Variants in NBAS observed in about 807,000 individuals in gnomAD.
NBAS encodes the protein NAG/BC035112 fusion.
NBAS carries 219 observed loss-of-function variants against 302.5 expected under a neutral mutation model. The ratio of observed to expected loss-of-function variants is 0.72; its 90% CI spans 0.65 to 0.81. NBAS has a LOEUF of 0.81. NBAS is among the 30% of genes least tolerant of loss of function. NBAS has a pLI of 0.00. For synonymous variants in NBAS, 1,118 were observed against 1,021.6 expected, an observed-to-expected ratio of 1.09 and a Z score of -1.80; for missense variants, 2,932 against 2,841.6, an observed-to-expected ratio of 1.03 and a Z score of -0.72.
Position 15,525,893 on chromosome 2 carries a change from A to G in NBAS, c.746+8650T>C, listed in dbSNP as rs532118468. 2.7e-4 allele frequency among the ~76,000 whole-genome samples: 41 copies of G among 152,316 alleles called. 1 individual carries two copies. Among genetic ancestry groups the G allele is most frequent in the Admixed American group, 2.6e-3 (40 of 15,304 alleles). ...AAGTGCCACTTAAAAATCTATACAT[A>G]AAGTCTTTGATCTGAACCTAACTCA... On this transcript the variant is annotated intron_variant, in intron 9 of 51. Transcript: ENST00000281513.
intron 48 of NBAS, among the ~76,000 whole-genome samples, chr2:15,200,905 C>G (rs1413352861): frequency 6.6e-6 from 1 of 152,110 alleles, no homozygotes; most frequent in East Asian, 1.9e-4. Flanking sequence ...TATGCATCTT[C>G]CTACAGGTAT....
chr2:14,887,398 T>TTAAAAAAAAAAAAAAA, the NBAS span, among the ~76,000 whole-genome samples: 2 of 95,676 alleles, frequency 2.1e-5, no homozygotes, highest in Non-Finnish European at 3.8e-5. Flanking sequence ...GTGAGACTCC[T>TTAAAAAAAAAAAAAAA]CAAAAAAAAA....
chr2:14,821,238 T>C, the NBAS span, among the ~76,000 whole-genome samples: 1 of 152,168 alleles, frequency 6.6e-6, no homozygotes, highest in Non-Finnish European at 1.5e-5. Context: ...AGAGACACTC[T>C]TAAAAACCAC....
intron 31 of NBAS, among the ~76,000 whole-genome samples, chr2:15,367,991 C>T (rs73197101): frequency 0.013 from 1,903 of 152,196 alleles, 34 homozygotes; most frequent in African/African-American, 0.043. Flanking sequence ...TATACACACA[C>T]AAATACTTAT....
intron 16 of NBAS, among the ~76,000 whole-genome samples, chr2:15,470,471 G>T (rs921138315): frequency 6.6e-6 from 1 of 152,090 alleles, no homozygotes; most frequent in African/African-American, 2.4e-5. Context: ...ATGTTTACTG[G>T]GCACCTACTG....
At chr2:15,153,844 G>C in the NBAS span, among the ~76,000 whole-genome samples, 1 of 152,306 alleles carries the variant, frequency 6.6e-6, no homozygotes, top group East Asian at 1.9e-4. Flanking sequence ...TAGGAACCTT[G>C]TAAGTAATAA....
At position 15,551,731 on chromosome 2, in the gene NBAS, G is replaced by A. The variant is rs561034952; in HGVS notation, c.336-195C>T. Among the ~76,000 whole-genome samples the A allele has an allele frequency of 3.9e-5, 6 of 152,178 alleles. No homozygotes were observed. The East Asian group carries it at 9.6e-4, about 24-fold the overall frequency. On this transcript the variant is annotated intron_variant, in intron 5 of 51. Coordinates refer to ENST00000281513, the MANE Select transcript of NBAS (RefSeq NM_015909.4). ...CTTCCAACCTTATTGCATCAGATAC[G>A]GAGCTACATCGTTATGGAGACATAT...
chr2:15,339,551 G>A (rs912263944), intron 35 of NBAS, among the ~76,000 whole-genome samples: 39 of 151,974 alleles, frequency 2.6e-4, no homozygotes, highest in Admixed American at 1.8e-3. Context: ...TGTAAATTCC[G>A]GAAATACAAA....
intron 23 of NBAS, 105 bp from the exon 24 acceptor site, chr2:15,417,817 T>C: frequency 2.7e-6 from 3 of 1,117,302 alleles, no homozygotes; most frequent in Non-Finnish European, 3.9e-6. Context: ...TCATTTTTTA[T>C]AAAATTGCAT....
At chr2:15,330,564 C>T (rs776204558) in intron 36 of NBAS, 34 bp downstream of exon 36, 2 of 1,611,798 alleles carry the variant, frequency 1.2e-6, no homozygotes, top group Admixed American at 1.7e-5. Flanking sequence ...ATAAACCATG[C>T]AGTTGATTTT....
chr2:15,427,568 A>G (rs902659304), intron 22 of NBAS, 143 bp downstream of exon 22: 12 of 687,650 alleles, frequency 1.7e-5, no homozygotes, highest in African/African-American at 1.5e-4. Flanking sequence ...ACTGAGTCAA[A>G]GGAGTTTAAA....
At chr2:15,034,246 AAG>A in the NBAS span, among the ~76,000 whole-genome samples, 6 of 91,190 alleles carry the variant, frequency 6.6e-5, no homozygotes, top group Non-Finnish European at 9.0e-5. Context: ...GAAAGAAAGA[AAG>A]AAAGAAAGAA....
intron 38 of NBAS, among the ~76,000 whole-genome samples, chr2:15,315,095 G>A (rs1195202468): frequency 6.6e-6 from 1 of 152,166 alleles, no homozygotes; most frequent in Non-Finnish European, 1.5e-5. Context: ...TTACACAGGT[G>A]CTGCACTTGT....
chr2:15,414,683 G>A (rs1676836204), intron 25 of NBAS, among the ~76,000 whole-genome samples: 1 of 152,178 alleles, frequency 6.6e-6, no homozygotes, highest in South Asian at 2.1e-4. Context: ...AGTGGCTCAC[G>A]CCTGTAATCC....
the NBAS span, among the ~76,000 whole-genome samples, chr2:15,027,124 C>T: frequency 6.6e-6 from 1 of 152,002 alleles, no homozygotes; most frequent in African/African-American, 2.4e-5. Flanking sequence ...TCTAAATTCC[C>T]TCTCCCCAGA....
the NBAS span, among the ~76,000 whole-genome samples, chr2:15,091,146 G>A: frequency 6.6e-6 from 1 of 152,204 alleles, no homozygotes; most frequent in African/African-American, 2.4e-5. Flanking sequence ...CCAAGTCCAG[G>A]CTGTCTGTCG....
the NBAS span, among the ~76,000 whole-genome samples, chr2:14,966,193 C>T: frequency 6.6e-6 from 1 of 152,138 alleles, no homozygotes; most frequent in East Asian, 1.9e-4. Flanking sequence ...TTGAAAACTC[C>T]AGAACTATGA....
chr2:15,241,169 A>G (rs184090807), intron 44 of NBAS, among the ~76,000 whole-genome samples: 22 of 152,298 alleles, frequency 1.4e-4, no homozygotes, highest in African/African-American at 5.1e-4. Context: ...TCAAGACTGA[A>G]TAAGAGTTTA....
chr2:15,330,480 G>A (rs1672276735), intron 36 of NBAS, 118 bp downstream of exon 36: 1 of 1,327,172 alleles, frequency 7.5e-7, no homozygotes, highest in African/African-American at 1.5e-5. Flanking sequence ...CATTTCTTAA[G>A]AGATTGTTTT....
Sources: allele counts gnomAD v4.1 joint callset (sites outside exome capture counted in the v4.1 genomes callset), GRCh38; gene constraint gnomAD v4.1.1; transcripts MANE v1.5; gene names NCBI Gene and HGNC (gene_info 2026-07-23, HGNC 2026-07-21).